The following NEFH variants were observed in gnomAD, a reference collection of about 807,000 sequenced individuals.
NEFH encodes the protein neurofilament heavy chain.
NEFH carries 58 observed loss-of-function variants against 56.6 expected under a neutral mutation model. The ratio of observed to expected loss-of-function variants is 1.03; its 90% CI spans 0.83 to 1.28. NEFH has a LOEUF of 1.28. NEFH is among the 50% of genes most tolerant of loss of function. NEFH has a pLI of 0.00. For missense variants in NEFH, 1,221 were observed against 1,307.6 expected (o/e 0.93, Z 1.02); for synonymous variants, 542 against 545.8 (o/e 0.99, Z 0.10).
chr22:29,480,679 C>G lies in NEFH; in HGVS notation c.417C>G (p.Arg139=), dbSNP rs912176188. The stretch of plus-strand genomic sequence containing the variant: ...CGCTGCGGCAGCAGCAGGCGGGCCG[C>G]TCCGCTATGGGCGAGCTGTACGAGC... ...AAALRQQQAG[R]SAMGELYERE... is the part of the protein sequence containing the mutation. The change falls in exon 1 of 4, where the codon CGC becomes CGG. Residue 139 remains arginine, a synonymous_variant. Transcript: ENST00000310624. The G allele has an allele frequency of 2.3e-5, 36 of 1,544,376 alleles. No homozygotes were observed. Among genetic ancestry groups the G allele is most frequent in the Non-Finnish European group, 2.9e-5 (34 of 1,153,404 alleles).
At chr22:29,481,169 GA>G in intron 1 of NEFH, 24 bp downstream of exon 1, 2 of 1,458,992 alleles carry the variant, frequency 1.4e-6, no homozygotes, top group Non-Finnish European at 1.9e-6. Flanking sequence ...CGGGTGGGGG[GA>G]GGGGCGCCCC....
rs1019810165 is a variant in NEFH at position 29,483,319 on chromosome 22, C to A, written c.884-56C>A. On this transcript the variant is annotated intron_variant, in intron 1 of 3. Transcript: ENST00000310624. ...AAAAGAACAAAGAAAAAAATCTGGG[C>A]ATTAGAACCCAGTCCAGGTGTGTCT... The A allele has an allele frequency of 2.7e-6, 4 of 1,480,062 alleles. No homozygotes were observed. In the East Asian group the frequency reaches 6.8e-5, roughly 25 times the overall value. 91.7% of individuals were successfully genotyped at this position (1,480,062 alleles called of 1,614,324 possible). A position where few individuals can be genotyped will look rare whatever the true frequency, so the allele number is the denominator to read the frequency against.
chr22:29,485,937 C>G, intron 3 of NEFH, 90 bp downstream of exon 3: 1 of 1,438,074 alleles, frequency 7.0e-7, no homozygotes, highest in Non-Finnish European at 9.8e-7. Flanking sequence ...GTTTAGGCAG[C>G]CTACCTGTCT....
rs1280164847 is a variant in NEFH at position 29,480,240 on chromosome 22, G to A, written c.-23G>A. ...GCCGCAGTGCCTCCCGCCCCGTCCC[G>A]GCCTCGCGCACCTGCTCAGGCCATG... On this transcript the variant is annotated 5_prime_UTR_variant, in exon 1 of 4. Coordinates refer to ENST00000310624, the MANE Select transcript of NEFH (RefSeq NM_021076.4). The A allele has an allele frequency of 3.3e-6, 5 of 1,495,206 alleles. No homozygotes were observed. The highest frequency in any genetic ancestry group is 4.4e-6 in the Non-Finnish European group (5 of 1,131,762). 92.6% of individuals were successfully genotyped at this position (1,495,206 alleles called of 1,614,324 possible).
chr22:29,484,139 C>T lies in NEFH; in HGVS notation c.1083+565C>T, dbSNP rs148546902. On this transcript the variant is annotated intron_variant, in intron 2 of 3. Transcript: ENST00000310624. ...TGCTGGGATTACAGGTGTGAGGCAC[C>T]GTGCCTGGCCTAAAGAGATATACTT... Among the ~76,000 whole-genome samples, 155 of 152,218 alleles carry T rather than the reference C, an allele frequency of 1.0e-3. 1 individual carries two copies. The highest frequency in any genetic ancestry group is 3.4e-3 in the African/African-American group (140 of 41,542).
Position 29,480,853 on chromosome 22 carries a change from G to C in NEFH, c.591G>C (p.Ala197=), listed in dbSNP as rs1459116357. 2.9e-6 allele frequency: 4 copies of C among 1,394,802 alleles called. No individual in the cohort carries two copies. The highest frequency in any genetic ancestry group is 1.5e-5 in the African/African-American group (1 of 65,164). The allele number at this position is 1,394,802 out of a possible 1,614,324, so 86.4% of individuals were successfully genotyped here. A position where few individuals can be genotyped will look rare whatever the true frequency, so the allele number is the denominator to read the frequency against. The change falls in exon 1 of 4, where the codon GCG becomes GCC. Residue 197 remains alanine, a synonymous_variant. Coordinates refer to ENST00000310624, the MANE Select transcript of NEFH (RefSeq NM_021076.4). ...DEARQREEAE[A]AARALARFAQ... is the part of the protein sequence containing the mutation. ...CCCGGCAGCGAGAGGAGGCCGAGGC[G>C]GCGGCCCGCGCGCTGGCGCGCTTCG...
chr22:29,484,322 G>A (rs1331181996), intron 2 of NEFH, among the ~76,000 whole-genome samples: 4 of 152,280 alleles, frequency 2.6e-5, no homozygotes, highest in Middle Eastern at 3.4e-3. Context: ...GCCAGGGGAA[G>A]ACCTTAGCAG....
rs770039871 is a variant in NEFH at position 29,489,753 on chromosome 22, C to T, written c.2113C>T (p.Pro705Ser). 6.2e-7 allele frequency: 1 copy of T among 1,611,076 alleles called. No homozygotes were observed. The highest frequency in any genetic ancestry group is 8.5e-7 in the Non-Finnish European group (1 of 1,179,360). ...KSPVKEEAKSPEKAKSPVKEE... is the reference protein window; with the variant it reads ...KSPVKEEAKSSEKAKSPVKEE... ...CCCAGTGAAGGAAGAAGCAAAGTCC[C>T]CTGAGAAGGCCAAGTCCCCAGTGAA... The change falls in exon 4 of 4, where the codon CCT becomes TCT. Residue 705 changes from proline (P) to serine (S), a missense_variant. Physicochemically the swap from Pro to Ser is moderately conservative, Grantham distance 74. Transcript: ENST00000310624.
intron 3 of NEFH, among the ~76,000 whole-genome samples, chr22:29,486,409 AAC>A: frequency 6.6e-6 from 1 of 152,060 alleles, no homozygotes; most frequent in Non-Finnish European, 1.5e-5. Flanking sequence ...CTGTCTCCAG[AAC>A]TGTTTTCATC....
rs1174158196 is a variant in NEFH, at chr22:29,480,785, C to T, written c.523C>T (p.Leu175Phe). 1.4e-6 allele frequency: 2 copies of T among 1,427,596 alleles called. No individual in the cohort carries two copies. Among genetic ancestry groups the T allele is most frequent in the Non-Finnish European group, 1.8e-6 (2 of 1,101,786 alleles). 88.4% of individuals were successfully genotyped at this position (1,427,596 alleles called of 1,614,324 possible). ...GQLRLEQEHL[L>F]EDIAHVRQRL... ...GCTACGCCTGGAGCAGGAGCACCTG[C>T]TCGAGGACATCGCGCACGTGCGCCA... Residue 175 changes from leucine (L) to phenylalanine (F), a missense_variant, in exon 1 of 4, where the codon CTC becomes TTC. Leu to Phe is a conservative substitution (Grantham distance 22). Coordinates refer to ENST00000310624, the MANE Select transcript of NEFH (RefSeq NM_021076.4).
chr22:29,481,199 C>T (rs899291398), intron 1 of NEFH, 54 bp downstream of exon 1: 5 of 1,509,878 alleles, frequency 3.3e-6, no homozygotes, highest in East Asian at 2.5e-5. Flanking sequence ...CCGCAGCGAA[C>T]TTTTGGGCTG....
At chr22:29,483,596 A>T in intron 2 of NEFH, 22 bp downstream of exon 2, 1 of 1,610,368 alleles carries the variant, frequency 6.2e-7, no homozygotes, top group Non-Finnish European at 8.5e-7. Context: ...CAAGGCAGAC[A>T]GCCAGACTGC....
intron 1 of NEFH, among the ~76,000 whole-genome samples, chr22:29,481,728 C>T (rs2063012049): frequency 1.3e-5 from 2 of 152,200 alleles, no homozygotes; most frequent in African/African-American, 4.8e-5. Context: ...TTACTACAGT[C>T]AGTTGTTGCC....
At position 29,483,402 on chromosome 22, in the gene NEFH, C is replaced by T. The variant is rs1444993134; in HGVS notation, c.911C>T (p.Ala304Val). ...AGGCTGGACCGACTGTCGGAGGCAG[C>T]CAAGGTGAACACAGACGCTATGCGC... is the stretch of plus-strand genomic sequence containing the variant. Reference protein sequence around the residue: ...RVRLDRLSEAAKVNTDAMRSA... With the variant: ...RVRLDRLSEAVKVNTDAMRSA... The change falls in exon 2 of 4, where the codon GCC (alanine) becomes GTC (valine). Residue 304 changes from alanine (A) to valine (V), a missense_variant. By Grantham distance (64) the Ala-to-Val change is moderately conservative. Around this residue, in one of 4 missense-constraint regions of NEFH, gnomAD observed 640 missense variants for 555.5 expected, o/e 1.15. Transcript: ENST00000310624. The T allele has an allele frequency of 1.7e-5, 27 of 1,613,830 alleles. No individual in the cohort carries two copies. The highest frequency in any genetic ancestry group is 2.3e-5 in the Non-Finnish European group (27 of 1,180,026).
At chr22:29,484,217 C>T (rs377708394) in intron 2 of NEFH, among the ~76,000 whole-genome samples, 1 of 152,258 alleles carries the variant, frequency 6.6e-6, no homozygotes, top group East Asian at 1.9e-4. Context: ...CTTCAACATT[C>T]GAATCTTTCT....
Position 29,480,724 on chromosome 22 carries a change from C to G in NEFH, c.462C>G (p.Arg154=). 2 of 1,499,568 alleles carry G rather than the reference C, an allele frequency of 1.3e-6. No individual in the cohort carries two copies. The highest frequency in any genetic ancestry group is 1.4e-5 in the African/African-American group (1 of 69,776). 92.9% of individuals were successfully genotyped at this position (1,499,568 alleles called of 1,614,324 possible). The change falls in exon 1 of 4, where the codon CGC becomes CGG. Residue 154 remains arginine (R), a synonymous_variant. Transcript: ENST00000310624. The stretch of plus-strand genomic sequence containing the variant: ...ACGAGCGCGAGGTCCGCGAGATGCG[C>G]GGCGCGGTGCTGCGCCTGGGCGCGG... The part of the protein sequence containing the change: ...ELYEREVREM[R]GAVLRLGAAR...
At chr22:29,487,522 C>A (rs1425212648) in intron 3 of NEFH, among the ~76,000 whole-genome samples, 1 of 151,932 alleles carries the variant, frequency 6.6e-6, no homozygotes, top group Non-Finnish European at 1.5e-5. Flanking sequence ...GTCTCAGCTA[C>A]TCAGGAGGCT....
At chr22:29,484,925 TC>T (rs2063035561) in intron 2 of NEFH, among the ~76,000 whole-genome samples, 1 of 151,804 alleles carries the variant, frequency 6.6e-6, no homozygotes, top group South Asian at 2.1e-4. Context: ...GTCTTGTACT[TC>T]CGGGCTCAAG....
intron 1 of NEFH, among the ~76,000 whole-genome samples, chr22:29,481,677 G>T (rs1602962643): frequency 1.3e-5 from 2 of 152,126 alleles, no homozygotes; most frequent in Non-Finnish European, 1.5e-5. Flanking sequence ...CGTGGGGGTG[G>T]GTCAGGACCT....
Sources: allele counts gnomAD v4.1 joint callset (sites outside exome capture counted in the v4.1 genomes callset), GRCh38; gene constraint gnomAD v4.1.1; regional missense constraint gnomAD v4.1.1; transcripts MANE v1.5; gene names NCBI Gene and HGNC (gene_info 2026-07-23, HGNC 2026-07-21).